Variants in TENM2 observed in about 807,000 individuals in gnomAD.
TENM2 encodes teneurin-2.
In TENM2, 52 loss-of-function variants were observed where a neutral mutation model predicts 245.2. The ratio of observed to expected loss-of-function variants is 0.21; its 90% CI spans 0.17 to 0.27. TENM2 has a LOEUF of 0.27. TENM2 is among the 10% of genes least tolerant of loss of function. The pLI is 1.00. For missense variants in TENM2, 3,046 were observed against 3,666.8 expected (o/e 0.83, Z 4.37); for synonymous variants, 1,363 against 1,438.9 (o/e 0.95, Z 1.19).
intron 2 of TENM2, among the ~76,000 whole-genome samples, chr5:167,719,004 T>C (rs1299941438): frequency 3.3e-5 from 5 of 152,328 alleles, no homozygotes; most frequent in South Asian, 2.1e-4. Context: ...GTTTTTCAGG[T>C]ATACAACTAA....
At chr5:167,437,294 G>A (rs1379407384) in intron 2 of TENM2, among the ~76,000 whole-genome samples, 1 of 152,196 alleles carries the variant, frequency 6.6e-6, no homozygotes, top group Non-Finnish European at 1.5e-5. Context: ...AGATTTGACT[G>A]CCCTGCCAGA....
At chr5:167,632,786 T>TA (rs983420610) in intron 2 of TENM2, among the ~76,000 whole-genome samples, 9 of 151,770 alleles carry the variant, frequency 5.9e-5, no homozygotes, top group Admixed American at 2.0e-4. Flanking sequence ...CAACATATCT[T>TA]AAAAAAAATA....
the TENM2 span, among the ~76,000 whole-genome samples, chr5:167,257,299 A>C: frequency 6.6e-6 from 1 of 152,124 alleles, no homozygotes; most frequent in African/African-American, 2.4e-5. Context: ...ATACTTATAA[A>C]TATGATTGTA....
intron 6 of TENM2, among the ~76,000 whole-genome samples, chr5:168,053,612 G>A (rs1789297447): frequency 1.3e-5 from 2 of 152,148 alleles, no homozygotes; most frequent in South Asian, 2.1e-4. Context: ...TATTTACATA[G>A]CATCTACATT....
chr5:167,679,770 A>T (rs935034762), intron 2 of TENM2, among the ~76,000 whole-genome samples: 12 of 152,164 alleles, frequency 7.9e-5, no homozygotes, highest in Non-Finnish European at 1.6e-4. Flanking sequence ...TGAAAAATCT[A>T]AAGTATAGTC....
At chr5:167,848,944 A>G (rs2909797) in intron 2 of TENM2, among the ~76,000 whole-genome samples, 25,840 of 151,950 alleles carry the variant, frequency 0.17, 3,401 homozygotes, top group African/African-American at 0.37. Flanking sequence ...GCCACATTGT[A>G]TATTGTGTTA....
intron 2 of TENM2, among the ~76,000 whole-genome samples, chr5:167,646,158 T>TATATATATGTTGTTTTC (rs1779921459): frequency 1.3e-4 from 4 of 30,438 alleles, no homozygotes; most frequent in Admixed American, 1.0e-3. Flanking sequence ...GTTGTTTTCA[T>TATATATATGTTGTTTTC]ATATATATAT....
chr5:167,507,796 ATGG>A (rs1769655743), intron 2 of TENM2, among the ~76,000 whole-genome samples: 1 of 152,196 alleles, frequency 6.6e-6, no homozygotes, highest in Non-Finnish European at 1.5e-5. Flanking sequence ...AGGAATTACC[ATGG>A]AATGTGAATT....
At chr5:167,689,706 G>A (rs1291607183) in intron 2 of TENM2, among the ~76,000 whole-genome samples, 1 of 152,200 alleles carries the variant, frequency 6.6e-6, no homozygotes, top group Non-Finnish European at 1.5e-5. Context: ...TTCTATCAGT[G>A]AAGGGAAAGG....
chr5:167,185,902 C>T, the TENM2 span, among the ~76,000 whole-genome samples: 1 of 152,218 alleles, frequency 6.6e-6, no homozygotes, highest in South Asian at 2.1e-4. Flanking sequence ...GGTTTGTACA[C>T]ACGAAATTAC....
chr5:167,168,823 C>T, the TENM2 span, among the ~76,000 whole-genome samples: 4 of 151,668 alleles, frequency 2.6e-5, no homozygotes, highest in African/African-American at 7.3e-5. Context: ...GCAGTGGCAC[C>T]GTCTTGGCTC....
At chr5:167,518,012 C>T (rs1346734692) in intron 2 of TENM2, among the ~76,000 whole-genome samples, 3 of 151,932 alleles carry the variant, frequency 2.0e-5, no homozygotes, top group African/African-American at 7.3e-5. Flanking sequence ...CATGGTGAAA[C>T]CCCGTCTCTA....
intron 2 of TENM2, among the ~76,000 whole-genome samples, chr5:167,602,871 G>C (rs1249648059): frequency 6.6e-6 from 1 of 152,162 alleles, no homozygotes; most frequent in Non-Finnish European, 1.5e-5. Flanking sequence ...AGAGTAGTAT[G>C]GTAGTAAGTG....
chr5:168,207,814 C>G (rs2152545241), intron 19 of TENM2, among the ~76,000 whole-genome samples: 1 of 152,308 alleles, frequency 6.6e-6, no homozygotes, highest in African/African-American at 2.4e-5. Context: ...CTCTCACTAT[C>G]CTTCCCCCTT....
chr5:168,019,322 A>G (rs1785938831), intron 5 of TENM2, among the ~76,000 whole-genome samples: 1 of 152,216 alleles, frequency 6.6e-6, no homozygotes, highest in Admixed American at 6.5e-5. Context: ...GGAAGAGGGC[A>G]TGGAGCCGTC....
At chr5:167,174,865 T>C in the TENM2 span, among the ~76,000 whole-genome samples, 8 of 151,788 alleles carry the variant, frequency 5.3e-5, no homozygotes, top group Non-Finnish European at 1.2e-4. Flanking sequence ...TCTGTTTCTA[T>C]ATATTCAACT....
chr5:167,976,443 G>A (rs1782452652), intron 4 of TENM2, among the ~76,000 whole-genome samples: 1 of 152,146 alleles, frequency 6.6e-6, no homozygotes, highest in African/African-American at 2.4e-5. Context: ...GTGAAGACCT[G>A]CAGTAATGTT....
chr5:167,262,228 C>T, the TENM2 span, among the ~76,000 whole-genome samples: 4,439 of 152,106 alleles, frequency 0.029, 217 homozygotes, highest in African/African-American at 0.096. Flanking sequence ...GGTGGTGGCA[C>T]ATGCCTGTAA....
At chr5:167,256,869 A>G in the TENM2 span, among the ~76,000 whole-genome samples, 7 of 152,132 alleles carry the variant, frequency 4.6e-5, no homozygotes, top group Admixed American at 4.6e-4. Context: ...GGTAGCTACT[A>G]CTTGGTGTGA....
Sources: allele counts gnomAD v4.1 joint callset (sites outside exome capture counted in the v4.1 genomes callset), GRCh38; gene constraint gnomAD v4.1.1; transcripts MANE v1.5; gene names NCBI Gene and HGNC (gene_info 2026-07-23, HGNC 2026-07-21).